Variants in CD109 observed in about 807,000 individuals in gnomAD.
The protein encoded by CD109 is CD109 molecule, also known as CD109 antigen.
Under a neutral mutation model 165.8 loss-of-function variants are expected in CD109, and 149 were observed. The ratio of observed to expected loss-of-function variants is 0.90; its 90% CI spans 0.79 to 1.03. CD109 has a LOEUF of 1.03. Ranked by LOEUF, CD109 falls within the 50% of genes least tolerant of loss-of-function variation. CD109 has a pLI of 0.00. For missense variants in CD109, 1,712 were observed against 1,677.8 expected, an observed-to-expected ratio of 1.02 and a Z score of -0.36; for synonymous variants, 585 against 592.1, an observed-to-expected ratio of 0.99 and a Z score of 0.18.
chr6:73,762,841 G>C lies in CD109; in HGVS notation c.956G>C (p.Gly319Ala). ...LSEYLDLSSP[G>A]PVEILTTVTE... Reference sequence around the variant, plus strand: ...GAATACCTGGATCTATCTTCCCCTGGACCAGTAGAAATTTTAACCACAGTG... The same window carrying C: ...GAATACCTGGATCTATCTTCCCCTGCACCAGTAGAAATTTTAACCACAGTG... Residue 319 changes from glycine to alanine, a missense_variant, in exon 9 of 33, where the codon GGA (glycine) becomes GCA (alanine). Gly to Ala is a moderately conservative substitution (Grantham distance 60). Transcript: ENST00000287097. 4 of 1,612,542 alleles carry C rather than the reference G, an allele frequency of 2.5e-6. No homozygotes were observed. Among genetic ancestry groups the C allele is most frequent in the Non-Finnish European group, 2.5e-6 (3 of 1,179,486 alleles).
chr6:73,710,340 C>T (rs112937007), intron 2 of CD109, among the ~76,000 whole-genome samples: 6,669 of 152,154 alleles, frequency 0.044, 177 homozygotes, highest in East Asian at 0.1. Context: ...CTCCCATTCA[C>T]AATTGCTTCA....
At chr6:73,795,672 A>G (rs953568662) in intron 23 of CD109, among the ~76,000 whole-genome samples, 1 of 152,190 alleles carries the variant, frequency 6.6e-6, no homozygotes, top group African/African-American at 2.4e-5. Context: ...CGAGCGCTAC[A>G]GCTGTAAGTA....
intron 4 of CD109, 122 bp from the exon 5 acceptor site, chr6:73,736,261 C>A: frequency 2.1e-6 from 2 of 953,944 alleles, no homozygotes; most frequent in Non-Finnish European, 3.1e-6. Context: ...ATATTTGTGC[C>A]GTATTTTGGA....
At chr6:73,706,597 C>A (rs1240703668) in intron 2 of CD109, among the ~76,000 whole-genome samples, 1 of 152,156 alleles carries the variant, frequency 6.6e-6, no homozygotes, top group Admixed American at 6.5e-5. Flanking sequence ...TCACTCTTCA[C>A]TTACCTCGGA....
chr6:73,821,532 T>C (rs1202438268), intron 32 of CD109, among the ~76,000 whole-genome samples: 1 of 152,236 alleles, frequency 6.6e-6, no homozygotes, highest in African/African-American at 2.4e-5. Flanking sequence ...CATGGAATAC[T>C]ATACAGCCAT....
At chr6:73,772,302 G>A (rs1384982253) in intron 15 of CD109, among the ~76,000 whole-genome samples, 2 of 151,948 alleles carry the variant, frequency 1.3e-5, no homozygotes, top group Non-Finnish European at 2.9e-5. Context: ...TCAGGAGATC[G>A]AGACCATCTT....
chr6:73,810,354 T>C (rs1181837552), intron 27 of CD109, among the ~76,000 whole-genome samples, 180 bp downstream of exon 27: 1 of 150,684 alleles, frequency 6.6e-6, no homozygotes, highest in Non-Finnish European at 1.5e-5. Flanking sequence ...CTTGGCAGTT[T>C]CAAAGTTTAG....
rs76076115 is a variant in CD109 at position 73,756,576 on chromosome 6, A to G, written c.634-67A>G. 7,509 of 1,059,788 alleles carry G rather than the reference A, an allele frequency of 7.1e-3. 390 individuals carry two copies. The African/African-American group carries it at 0.11, about 16-fold the overall frequency. The allele number at this position is 1,059,788 out of a possible 1,614,324, so 65.6% of individuals were successfully genotyped here. A position where few individuals can be genotyped will look rare whatever the true frequency, so the allele number is the denominator to read the frequency against. On this transcript the variant is annotated intron_variant, in intron 5 of 32. Coordinates refer to ENST00000287097, the MANE Select transcript of CD109 (RefSeq NM_133493.5). ...TTTTCTAAATTGTTTTATGCAAGTAAGTAAGCAAGCAAAATAAATAAGAAC... is the reference window on the plus strand; with the variant it reads ...TTTTCTAAATTGTTTTATGCAAGTAGGTAAGCAAGCAAAATAAATAAGAAC...
chr6:73,760,084 G>A (rs112640897), intron 7 of CD109, among the ~76,000 whole-genome samples: 1 of 152,060 alleles, frequency 6.6e-6, no homozygotes, highest in African/African-American at 2.4e-5. Flanking sequence ...TCACAATAGA[G>A]ATAGAAGCAA....
intron 28 of CD109, among the ~76,000 whole-genome samples, chr6:73,811,571 AGAGCTAG>A (rs1775761943): frequency 6.6e-6 from 1 of 152,204 alleles, no homozygotes; most frequent in African/African-American, 2.4e-5. Context: ...TAGTAACAGT[AGAGCTAG>A]GATTTGAACT....
chr6:73,805,751 C>T (rs888108554), intron 24 of CD109, among the ~76,000 whole-genome samples: 24 of 152,246 alleles, frequency 1.6e-4, no homozygotes, highest in East Asian at 5.8e-4. Context: ...TGACTCTTAA[C>T]GAGCATGCTG....
chr6:73,690,680 G>A, the CD109 span, among the ~76,000 whole-genome samples: 2 of 152,198 alleles, frequency 1.3e-5, no homozygotes, highest in African/African-American at 4.8e-5. Context: ...GATTACAGGC[G>A]TGAGCCACCG....
chr6:73,782,343 T>G (rs964277373), intron 17 of CD109, among the ~76,000 whole-genome samples: 15 of 152,190 alleles, frequency 9.9e-5, no homozygotes, highest in Admixed American at 9.2e-4. Flanking sequence ...TCAGTCTCAG[T>G]TTTTACCCAT....
chr6:73,715,565 CAAA>C (rs61331986), intron 2 of CD109, among the ~76,000 whole-genome samples: 7 of 71,060 alleles, frequency 9.9e-5, no homozygotes, highest in Admixed American at 1.4e-4. Flanking sequence ...ACCCTGTCTC[CAAA>C]AAAAAAAAAA....
chr6:73,683,201 G>A, the CD109 span, among the ~76,000 whole-genome samples: 13 of 152,072 alleles, frequency 8.5e-5, no homozygotes, highest in Non-Finnish European at 1.8e-4. Context: ...GCTCTGTATC[G>A]CTTTTGAAAC....
chr6:73,802,279 G>A (rs1775385125), intron 23 of CD109, among the ~76,000 whole-genome samples: 2 of 97,252 alleles, frequency 2.1e-5, no homozygotes, highest in Admixed American at 1.2e-4. Flanking sequence ...GTGTGTGTGT[G>A]TGTGTGTGTG....
At chr6:73,696,530 A>G (rs890396610) in intron 1 of CD109, among the ~76,000 whole-genome samples, 1 of 152,260 alleles carries the variant, frequency 6.6e-6, no homozygotes, top group Non-Finnish European at 1.5e-5. Context: ...CTCCCCGGCC[A>G]TAACAACTTT....
chr6:73,804,976 C>A (rs1296958467), intron 24 of CD109, among the ~76,000 whole-genome samples: 1 of 152,120 alleles, frequency 6.6e-6, no homozygotes, highest in Non-Finnish European at 1.5e-5. Context: ...GTTAGAATGG[C>A]GATCATTATA....
intron 29 of CD109, among the ~76,000 whole-genome samples, chr6:73,812,601 T>A (rs968065253): frequency 3.9e-5 from 6 of 152,122 alleles, no homozygotes; most frequent in Non-Finnish European, 5.9e-5. Context: ...TCTGAGAATA[T>A]AGAAGTCAAC....
Sources: allele counts gnomAD v4.1 joint callset (sites outside exome capture counted in the v4.1 genomes callset), GRCh38; gene constraint gnomAD v4.1.1; transcripts MANE v1.5; gene names NCBI Gene and HGNC (gene_info 2026-07-23, HGNC 2026-07-21).